Variants in AK6 observed in about 807,000 individuals in gnomAD.
The protein encoded by AK6 is adenylate kinase isoenzyme 6.
In AK6, 24 loss-of-function variants were observed where a neutral mutation model predicts 23.7. The observed-to-expected ratio is 1.01, with a 90% CI of 0.73 to 1.43. The LOEUF (loss-of-function observed/expected upper bound fraction) is 1.43. Ranked by LOEUF, AK6 falls within the 40% of genes most tolerant of loss-of-function variation. The pLI is 0.00. For synonymous variants in AK6, 73 were observed against 69.8 expected (o/e 1.05, Z -0.23); for missense variants, 191 against 199.1 (o/e 0.96, Z 0.24).
chr5:69,369,561 G>A, upstream of AK6: 1 of 1,607,992 alleles, frequency 6.2e-7, no homozygotes. Context: ...GCCGGAAGGG[G>A]CGGGCGGCAG....
At chr5:69,358,750 C>T (rs923005144) in intron 2 of AK6, among the ~76,000 whole-genome samples, 2 of 151,912 alleles carry the variant, frequency 1.3e-5, no homozygotes, top group Non-Finnish European at 2.9e-5. Flanking sequence ...TTTTATGCTA[C>T]TTTAGAAAGT....
intron 2 of AK6, among the ~76,000 whole-genome samples, chr5:69,357,143 C>G (rs533727796): frequency 3.3e-5 from 5 of 152,306 alleles, no homozygotes; most frequent in African/African-American, 1.2e-4. Flanking sequence ...CAGGAGTAGT[C>G]TGATGGTCAC....
chr5:69,364,749 GAATGAC>G, intron 2 of AK6: 1 of 671,054 alleles, frequency 1.5e-6, no homozygotes, highest in Admixed American at 2.5e-5. Flanking sequence ...ACAATCGAAT[GAATGAC>G]AACTTTATTT....
rs1340023923 is a variant in AK6, at chr5:69,351,927, G to C, written c.*134C>G. The stretch of plus-strand genomic sequence containing the variant: ...TTCTCATGGAGAAAAAGAAACACAG[G>C]CATAAACCTATATACTATCCACCTG... On this transcript the variant is annotated 3_prime_UTR_variant, in exon 5 of 5. Coordinates refer to ENST00000380822, the MANE Select transcript of AK6 (RefSeq NM_016283.5). 1.8e-6 allele frequency: 1 copy of C among 544,370 alleles called. No homozygotes were observed. Among genetic ancestry groups the C allele is most frequent in the Non-Finnish European group, 3.0e-6 (1 of 336,056 alleles). 33.7% of individuals were successfully genotyped at this position (544,370 alleles called of 1,614,324 possible).
At position 69,368,152 on chromosome 5, in the gene AK6, T is replaced by C. The variant is rs180869351; in HGVS notation, c.28+1311A>G. 6.2e-4 allele frequency among the ~76,000 whole-genome samples: 94 copies of C among 152,300 alleles called. No individual in the cohort carries two copies. The East Asian group carries it at 0.014, about 22-fold the overall frequency. Reference sequence around the variant, plus strand: ...AAGAAACCCTATTTATGTTTGCATGTAAATGTACATATATGTACATACTCT... The same window carrying C: ...AAGAAACCCTATTTATGTTTGCATGCAAATGTACATATATGTACATACTCT... On this transcript the variant is annotated intron_variant, in intron 1 of 4. Transcript: ENST00000380822.
At chr5:69,365,820 G>A (rs1762397153) in intron 2 of AK6, 1 of 1,193,422 alleles carries the variant, frequency 8.4e-7, no homozygotes, top group Non-Finnish European at 1.1e-6. Context: ...AGTAGCAACT[G>A]TCAGGAACTT....
intron 4 of AK6, 83 bp downstream of exon 4, chr5:69,355,566 C>T: frequency 7.2e-7 from 1 of 1,383,962 alleles, no homozygotes; most frequent in Non-Finnish European, 9.7e-7. Flanking sequence ...CAAACAACAA[C>T]AATCTTTTAT....
intron 2 of AK6, chr5:69,365,143 C>A: frequency 6.2e-7 from 1 of 1,614,170 alleles, no homozygotes; most frequent in Non-Finnish European, 8.5e-7. Flanking sequence ...GAAGCTTTTA[C>A]AGCTGGAGAC....
chr5:69,366,619 T>G lies in AK6; in HGVS notation c.29-24A>C, dbSNP rs777500051. 30 of 1,553,380 alleles carry G rather than the reference T, an allele frequency of 1.9e-5. 3 individuals carry two copies. In the Middle Eastern group the frequency reaches 4.2e-3, roughly 217 times the overall value. ...ACCTGTAAGACAAGCCACAGAAAAA[T>G]ACTGTTTGTGAAATACTACTTATCA... On this transcript the variant is annotated intron_variant, in intron 1 of 4. Transcript: ENST00000380822.
chr5:69,355,906 C>T lies in AK6; in HGVS notation c.169G>A (p.Asp57Asn). Residue 57 changes from aspartate to asparagine, a missense_variant, in exon 3 of 5, where the codon GAT becomes AAT. Asp to Asn is a conservative substitution (Grantham distance 23). Coordinates refer to ENST00000380822, the MANE Select transcript of AK6 (RefSeq NM_016283.5). ...YDEEYDCPIL[D>N]EDRVVDELDN... is the part of the protein sequence containing the mutation. ...AAAGTCATACTTACTCTGTCTTCATCTAAAATGGGACAGTCATACTCTTCA... is the reference window on the plus strand; with the variant it reads ...AAAGTCATACTTACTCTGTCTTCATTTAAAATGGGACAGTCATACTCTTCA... The T allele has an allele frequency of 6.2e-7, 1 of 1,610,248 alleles. No individual in the cohort carries two copies. The highest frequency in any genetic ancestry group is 8.5e-7 in the Non-Finnish European group (1 of 1,178,854).
chr5:69,368,184 T>C (rs1580328692), intron 1 of AK6, among the ~76,000 whole-genome samples: 1 of 152,210 alleles, frequency 6.6e-6, no homozygotes, highest in Non-Finnish European at 1.5e-5. Flanking sequence ...CTCTTTGTTA[T>C]ATAAATACAA....
intron 1 of AK6, 90 bp from the exon 2 acceptor site, chr5:69,366,685 CAG>C (rs1356174147): frequency 3.1e-6 from 3 of 982,608 alleles, no homozygotes; most frequent in East Asian, 2.4e-5. Flanking sequence ...ATTTTTGAGA[CAG>C]AGTCTCACCT....
At chr5:69,359,242 A>T (rs1381139866) in intron 2 of AK6, among the ~76,000 whole-genome samples, 14 of 148,154 alleles carry the variant, frequency 9.4e-5, no homozygotes, top group Admixed American at 2.7e-4. Context: ...AAAAAAAAAA[A>T]TTTTTTTTTT....
intron 2 of AK6, among the ~76,000 whole-genome samples, chr5:69,357,720 CTATA>C (rs1356674509): frequency 6.6e-6 from 1 of 152,062 alleles, no homozygotes; most frequent in African/African-American, 2.4e-5. Context: ...TAAAATGAGT[CTATA>C]TTTATGCCTG....
intron 2 of AK6, among the ~76,000 whole-genome samples, chr5:69,361,765 T>C (rs944885964): frequency 1.3e-5 from 2 of 151,832 alleles, no homozygotes. Flanking sequence ...CCACCATACC[T>C]GGCTACTTTT....
chr5:69,354,650 A>G (rs989757744), intron 4 of AK6, among the ~76,000 whole-genome samples: 95 of 152,322 alleles, frequency 6.2e-4, no homozygotes, highest in Non-Finnish European at 1.0e-4. Flanking sequence ...TTAACTCGGT[A>G]TCTATTAAAG....
At chr5:69,357,502 C>A (rs961649931) in intron 2 of AK6, among the ~76,000 whole-genome samples, 6 of 152,100 alleles carry the variant, frequency 3.9e-5, no homozygotes, top group Admixed American at 6.5e-5. Flanking sequence ...ACTCTCTGTT[C>A]CTTGAGAAAT....
At chr5:69,358,251 G>A (rs1197910112) in intron 2 of AK6, among the ~76,000 whole-genome samples, 2 of 152,004 alleles carry the variant, frequency 1.3e-5, no homozygotes, top group Non-Finnish European at 2.9e-5. Context: ...TGGCCGGTGC[G>A]GTGGCTCATG....
At chr5:69,357,396 C>T (rs73772542) in intron 2 of AK6, among the ~76,000 whole-genome samples, 13 of 152,182 alleles carry the variant, frequency 8.5e-5, no homozygotes, top group Admixed American at 2.0e-4. Flanking sequence ...TTACTTTATA[C>T]CACAAACCCC....
Sources: allele counts gnomAD v4.1 joint callset (sites outside exome capture counted in the v4.1 genomes callset), GRCh38; gene constraint gnomAD v4.1.1; transcripts MANE v1.5; gene names NCBI Gene and HGNC (gene_info 2026-07-23, HGNC 2026-07-21).